TMCC3: variants seen among roughly 807,000 people sequenced by gnomAD.
TMCC3 encodes transmembrane and coiled-coil domain protein 3.
Under a neutral mutation model 40.2 loss-of-function variants are expected in TMCC3, and 28 were observed. The ratio of observed to expected loss-of-function variants is 0.70; its 90% CI spans 0.52 to 0.95. The LOEUF (loss-of-function observed/expected upper bound fraction) is 0.95, where lower values mean the gene tolerates loss of function less well. Ranked by LOEUF, TMCC3 falls within the 40% of genes least tolerant of loss-of-function variation. The pLI is 0.00. For synonymous variants in TMCC3, 255 were observed against 248.5 expected (o/e 1.03, Z -0.25); for missense variants, 554 against 615.2 (o/e 0.90, Z 1.05).
At position 94,582,239 on chromosome 12, in the gene TMCC3, G is replaced by A. The variant is rs766647429; in HGVS notation, c.378C>T (p.Ile126=). ...GCTCTAACTTCTTCTGCAGCTGGGC[G>A]ATGGAGTGAGCTGATTTCTGATTCT... ...EKKNQKSAHS[I]AQLQKKLEQY... is the part of the protein sequence containing the mutation. Residue 126 remains isoleucine (I), a synonymous_variant, in exon 2 of 4, where the codon ATC becomes ATT. Transcript: ENST00000261226. 1.7e-5 allele frequency: 28 copies of A among 1,614,024 alleles called. No individual in the cohort carries two copies. Among genetic ancestry groups the A allele is most frequent in the Middle Eastern group, 3.3e-4 (2 of 6,084 alleles).
intron 1 of TMCC3, among the ~76,000 whole-genome samples, chr12:94,634,259 T>G (rs1308755522): frequency 6.6e-6 from 1 of 152,142 alleles, no homozygotes; most frequent in Non-Finnish European, 1.5e-5. Flanking sequence ...ATATGTATTA[T>G]TCTTATTTAT....
At chr12:94,615,625 T>C (rs2068843578) in intron 1 of TMCC3, among the ~76,000 whole-genome samples, 1 of 152,236 alleles carries the variant, frequency 6.6e-6, no homozygotes, top group African/African-American at 2.4e-5. Flanking sequence ...AGCCAGTAGC[T>C]GGCACAATCC....
chr12:94,644,181 C>T (rs2069005754), intron 1 of TMCC3, among the ~76,000 whole-genome samples: 1 of 152,224 alleles, frequency 6.6e-6, no homozygotes, highest in Non-Finnish European at 1.5e-5. Flanking sequence ...ATGCACAAAT[C>T]ATATATCCTG....
At chr12:94,613,030 T>C (rs1172141642) in intron 1 of TMCC3, among the ~76,000 whole-genome samples, 2 of 151,728 alleles carry the variant, frequency 1.3e-5, no homozygotes, top group Non-Finnish European at 2.9e-5. Context: ...CCAAAGCCTA[T>C]GGGCAATAAA....
At chr12:94,643,280 A>G (rs2069001028) in intron 1 of TMCC3, among the ~76,000 whole-genome samples, 1 of 152,198 alleles carries the variant, frequency 6.6e-6, no homozygotes, top group South Asian at 2.1e-4. Flanking sequence ...GATGTTCTGC[A>G]GGGGACACAA....
chr12:94,583,782 A>G (rs2068621598), intron 1 of TMCC3, among the ~76,000 whole-genome samples: 1 of 152,176 alleles, frequency 6.6e-6, no homozygotes, highest in South Asian at 2.1e-4. Context: ...CAGGATTTGA[A>G]TCCAAGTCAT....
chr12:94,623,098 T>C (rs1469533582), intron 1 of TMCC3, among the ~76,000 whole-genome samples: 1 of 152,206 alleles, frequency 6.6e-6, no homozygotes, highest in African/African-American at 2.4e-5. Flanking sequence ...AATCAGCAGC[T>C]GCCAAATTGC....
In TMCC3 at chr12:94,624,481, G is replaced by A. The variant is rs557785757; in HGVS notation, c.78+25872C>T. Among the ~76,000 whole-genome samples the A allele has an allele frequency of 2.6e-5, 4 of 152,090 alleles. No homozygotes were observed. The South Asian group carries it at 8.3e-4, about 32-fold the overall frequency. ...TAATCCCAGCACTTTGGGAGGCTGA[G>A]GCAGGTGGATCGTCTGAGCTCAGGA... On this transcript the variant is annotated intron_variant, in intron 1 of 3. Transcript: ENST00000261226.
Position 94,625,064 on chromosome 12 carries a change from T to C in TMCC3, c.78+25289A>G, listed in dbSNP as rs551092473. 4.6e-3 allele frequency among the ~76,000 whole-genome samples: 683 copies of C among 147,642 alleles called. 10 individuals carry two copies. The highest frequency in any genetic ancestry group is 0.016 in the African/African-American group (648 of 39,430). On this transcript the variant is annotated intron_variant, in intron 1 of 3. Transcript: ENST00000261226. Reference sequence around the variant, plus strand: ...GGCTGAGGCAGGAGAATCGCTTGAATCCGGGAGGCCAAGGTTGCAGTGAGC... The same window carrying C: ...GGCTGAGGCAGGAGAATCGCTTGAACCCGGGAGGCCAAGGTTGCAGTGAGC...
chr12:94,596,673 G>A (rs2138844331), intron 1 of TMCC3, among the ~76,000 whole-genome samples: 1 of 152,144 alleles, frequency 6.6e-6, no homozygotes, highest in African/African-American at 2.4e-5. Flanking sequence ...TCATCTACTA[G>A]GCCACCTGTG....
chr12:94,607,963 T>C (rs920285532), intron 1 of TMCC3, among the ~76,000 whole-genome samples: 4 of 152,244 alleles, frequency 2.6e-5, no homozygotes, highest in African/African-American at 9.6e-5. Context: ...GCTTTCAATG[T>C]TATGACTGAT....
chr12:94,582,093 C>T lies in TMCC3; in HGVS notation c.524G>A (p.Arg175Gln), dbSNP rs144591334. 28 of 1,614,122 alleles carry T rather than the reference C, an allele frequency of 1.7e-5. No homozygotes were observed. Among genetic ancestry groups the T allele is most frequent in the Middle Eastern group, 1.6e-4 (1 of 6,062 alleles). ...GCTCTCCATGCAATGGGGGGCAGTT[C>T]GAGATTTCACGTGGGCATCTTTCAA... Reference protein sequence around the residue: ...RSLKDAHVKSRTAPHCMESSK... With the variant: ...RSLKDAHVKSQTAPHCMESSK... Residue 175 changes from arginine (R) to glutamine (Q), a missense_variant, in exon 2 of 4, where the codon CGA becomes CAA. Arg to Gln is a conservative substitution (Grantham distance 43). Coordinates refer to ENST00000261226, the MANE Select transcript of TMCC3 (RefSeq NM_020698.4).
chr12:94,648,552 G>T (rs1341448749), intron 1 of TMCC3, among the ~76,000 whole-genome samples: 2 of 152,184 alleles, frequency 1.3e-5, no homozygotes, highest in African/African-American at 4.8e-5. Flanking sequence ...AGAAAATCAA[G>T]AAATCACATA....
intron 3 of TMCC3, among the ~76,000 whole-genome samples, chr12:94,575,936 A>G (rs573262938): frequency 1.3e-5 from 2 of 152,116 alleles, no homozygotes; most frequent in South Asian, 4.2e-4. Context: ...GCATGCCACC[A>G]TGTCCAGCTA....
At chr12:94,629,342 ACTCTGGG>A (rs1280723608) in intron 1 of TMCC3, among the ~76,000 whole-genome samples, 1 of 152,010 alleles carries the variant, frequency 6.6e-6, no homozygotes, top group Non-Finnish European at 1.5e-5. Context: ...CTCAGGGTGG[ACTCTGGG>A]GGAGTTCTTC....
chr12:94,619,704 G>C (rs1029683318), intron 1 of TMCC3, among the ~76,000 whole-genome samples: 1 of 152,122 alleles, frequency 6.6e-6, no homozygotes, highest in Non-Finnish European at 1.5e-5. Flanking sequence ...TATGGTTATA[G>C]AGAAAAATGT....
chr12:94,571,918 T>C (rs1409975580), intron 3 of TMCC3, among the ~76,000 whole-genome samples, 181 bp from the exon 4 acceptor site: 9 of 152,198 alleles, frequency 5.9e-5, no homozygotes, highest in African/African-American at 2.4e-5. Context: ...CCAGGCTCAT[T>C]TTCTCCTGTT....
At chr12:94,616,537 C>T (rs879579482) in intron 1 of TMCC3, 12 of 152,378 alleles carry the variant, frequency 7.9e-5, no homozygotes, top group South Asian at 4.1e-4. Context: ...GTGTCAGGCG[C>T]AGCGAGGCGT....
intron 1 of TMCC3, among the ~76,000 whole-genome samples, chr12:94,648,313 C>T (rs2069032001): frequency 1.3e-5 from 2 of 152,052 alleles, no homozygotes; most frequent in South Asian, 4.1e-4. Flanking sequence ...CTGCAACCTC[C>T]GCCTCCCGGG....
Sources: gnomAD v4.1 joint callset for allele counts (sites outside exome capture counted in the v4.1 genomes callset) on GRCh38, gnomAD v4.1.1 for gene constraint, MANE v1.5 for transcripts, NCBI Gene and HGNC (gene_info 2026-07-23, HGNC 2026-07-21) for gene names.